Variants in SH2D4A observed in about 807,000 individuals in gnomAD.
SH2D4A encodes the protein SH2 domain containing 4A.
A neutral mutation model predicts 64.7 loss-of-function variants in SH2D4A; 70 were observed. That is an observed-to-expected ratio of 1.08 (90% confidence interval 0.89 to 1.32). The LOEUF (loss-of-function observed/expected upper bound fraction) is 1.32, where lower values mean the gene tolerates loss of function less well. SH2D4A is among the 40% of genes most tolerant of loss of function. SH2D4A has a pLI of 0.00. For missense variants in SH2D4A, 706 were observed against 540.1 expected (o/e 1.31, Z -3.04); for synonymous variants, 268 against 200.7 (o/e 1.34, Z -2.83).
intron 2 of SH2D4A, among the ~76,000 whole-genome samples, chr8:19,322,585 G>A (rs964356493): frequency 2.0e-5 from 3 of 146,916 alleles, no homozygotes; most frequent in African/African-American, 7.5e-5. Flanking sequence ...GTTGTGTATT[G>A]TGCATCACAG....
intron 6 of SH2D4A, among the ~76,000 whole-genome samples, chr8:19,362,071 G>C (rs911745369): frequency 1.3e-5 from 2 of 152,204 alleles, no homozygotes; most frequent in Admixed American, 6.5e-5. Flanking sequence ...AGAGAAATCT[G>C]AACTGCTAGA....
At position 19,334,714 on chromosome 8, in the gene SH2D4A, A is replaced by G. The variant is rs774085365; in HGVS notation, c.370A>G (p.Ser124Gly). 5 of 1,607,808 alleles carry G rather than the reference A, an allele frequency of 3.1e-6. No homozygotes were observed. The highest frequency in any genetic ancestry group is 4.2e-6 in the Non-Finnish European group (5 of 1,178,390). Residue 124 changes from serine to glycine, a missense_variant, in exon 4 of 10, where the codon AGC (serine) becomes GGC (glycine). Ser to Gly is a moderately conservative substitution (Grantham distance 56). Coordinates refer to ENST00000265807, the MANE Select transcript of SH2D4A (RefSeq NM_022071.4). ...RKTHSEEFTN[S>G]LKTKSQYHDL... ...AACTCACTCTGAAGAATTCACCAAT[A>G]GCTTGAAAACAAAATCACAGTACCA...
intron 8 of SH2D4A, among the ~76,000 whole-genome samples, chr8:19,376,604 C>G (rs1252015392): frequency 6.6e-6 from 1 of 152,122 alleles, no homozygotes; most frequent in Non-Finnish European, 1.5e-5. Flanking sequence ...GCCTGGGCAA[C>G]AGAGTGCTAC....
intron 4 of SH2D4A, among the ~76,000 whole-genome samples, chr8:19,337,337 A>T (rs1423984691): frequency 6.6e-6 from 1 of 152,134 alleles, no homozygotes; most frequent in Non-Finnish European, 1.5e-5. Flanking sequence ...TTTTTATTGT[A>T]AGTTGTGTAT....
chr8:19,386,184 G>A (rs887473544), intron 8 of SH2D4A, among the ~76,000 whole-genome samples: 8 of 152,164 alleles, frequency 5.3e-5, no homozygotes, highest in Non-Finnish European at 7.4e-5. Context: ...AGCAAAGCAC[G>A]TTTTGTCCAA....
intron 8 of SH2D4A, among the ~76,000 whole-genome samples, chr8:19,388,207 A>G (rs1364888783): frequency 6.6e-6 from 1 of 152,216 alleles, no homozygotes; most frequent in Non-Finnish European, 1.5e-5. Flanking sequence ...ACCCCAGAAT[A>G]AGAGACAAGA....
intron 2 of SH2D4A, among the ~76,000 whole-genome samples, chr8:19,332,539 A>T (rs1370295884): frequency 6.6e-6 from 1 of 151,944 alleles, no homozygotes; most frequent in Non-Finnish European, 1.5e-5. Context: ...CTCTACTAAA[A>T]ATACAAAAAT....
At chr8:19,353,992 ATT>A (rs56334713) in intron 4 of SH2D4A, among the ~76,000 whole-genome samples, 6,923 of 133,528 alleles carry the variant, frequency 0.052, 467 homozygotes, top group African/African-American at 0.17. Context: ...TTTTCAACTA[ATT>A]TTTTTTTTTT....
intron 7 of SH2D4A, among the ~76,000 whole-genome samples, chr8:19,366,875 T>G (rs1391113992): frequency 6.6e-6 from 1 of 152,230 alleles, no homozygotes; most frequent in African/African-American, 2.4e-5. Context: ...TTGGCTTATT[T>G]CACTTAACAA....
At chr8:19,356,168 C>T (rs1430509399) in intron 4 of SH2D4A, among the ~76,000 whole-genome samples, 1 of 152,126 alleles carries the variant, frequency 6.6e-6, no homozygotes, top group Non-Finnish European at 1.5e-5. Context: ...ATGGCAAATG[C>T]CTGTTGTCAA....
Position 19,319,398 on chromosome 8 carries a change from T to C in SH2D4A, c.-150T>C. ...TTTGGTGCCAGGTCTGAGTAGCCAG[T>C]TTGCTGAATTATTGTCCCAGTCAGC... On this transcript the variant is annotated 5_prime_UTR_variant, in exon 2 of 10. Transcript: ENST00000265807. The C allele has an allele frequency of 7.0e-6, 9 of 1,291,114 alleles. No individual in the cohort carries two copies. The highest frequency in any genetic ancestry group is 8.8e-6 in the Non-Finnish European group (9 of 1,016,998). The allele number at this position is 1,291,114 out of a possible 1,614,324, so 80.0% of individuals were successfully genotyped here. A position where few individuals can be genotyped will look rare whatever the true frequency, so the allele number is the denominator to read the frequency against.
intron 4 of SH2D4A, among the ~76,000 whole-genome samples, chr8:19,347,545 G>A (rs757528427): frequency 9.9e-5 from 15 of 152,264 alleles, no homozygotes; most frequent in Middle Eastern, 6.8e-3. Context: ...GTGTTTCTCC[G>A]CTTATATGTA....
intron 2 of SH2D4A, among the ~76,000 whole-genome samples, chr8:19,328,975 C>A (rs1029519273): frequency 6.6e-6 from 1 of 152,128 alleles, no homozygotes; most frequent in African/African-American, 2.4e-5. Context: ...GTGTGTGGGA[C>A]CCTGTGCCAC....
In SH2D4A at chr8:19,373,672, G is replaced by A. The variant is rs1486529838; in HGVS notation, c.1048+12G>A. ...CCCCTGGTTCCATGGTGAGTGCAGA[G>A]ATTTCCTCAATGGTGTTTCGTCTTA... On this transcript the variant is annotated intron_variant, in intron 8 of 9. Transcript: ENST00000265807. 6.2e-7 allele frequency: 1 copy of A among 1,612,402 alleles called. No homozygotes were observed. Among genetic ancestry groups the A allele is most frequent in the East Asian group, 2.2e-5 (1 of 44,794 alleles).
At chr8:19,369,193 G>A (rs1358616217) in intron 7 of SH2D4A, among the ~76,000 whole-genome samples, 1 of 152,076 alleles carries the variant, frequency 6.6e-6, no homozygotes, top group Middle Eastern at 3.2e-3. Context: ...TTTGAACATG[G>A]TGAAGGATGT....
At chr8:19,327,027 T>C (rs1033601532) in intron 2 of SH2D4A, among the ~76,000 whole-genome samples, 1 of 152,186 alleles carries the variant, frequency 6.6e-6, no homozygotes, top group Non-Finnish European at 1.5e-5. Flanking sequence ...CCCACTTTTA[T>C]CTGATGTTTT....
At chr8:19,346,438 G>C (rs576663295) in intron 4 of SH2D4A, among the ~76,000 whole-genome samples, 1 of 152,228 alleles carries the variant, frequency 6.6e-6, no homozygotes, top group Non-Finnish European at 1.5e-5. Flanking sequence ...AATGCCTGAC[G>C]ATCTGTCACT....
chr8:19,365,200 G>A lies in SH2D4A; in HGVS notation c.917+918G>A, dbSNP rs138065374. On this transcript the variant is annotated intron_variant, in intron 7 of 9. Coordinates refer to ENST00000265807, the MANE Select transcript of SH2D4A (RefSeq NM_022071.4). ...TTCAAGGTTGTCTTTAAACAGGAGTGATGACCTCAGGGGAAACACAAAGGC... is the reference window on the plus strand; with the variant it reads ...TTCAAGGTTGTCTTTAAACAGGAGTAATGACCTCAGGGGAAACACAAAGGC... Among the ~76,000 whole-genome samples, 635 of 152,264 alleles carry A rather than the reference G, an allele frequency of 4.2e-3. 6 individuals carry two copies. The highest frequency in any genetic ancestry group is 0.013 in the African/African-American group (552 of 41,546).
At chr8:19,333,179 A>G in intron 3 of SH2D4A, 65 bp downstream of exon 3, 1 of 1,524,870 alleles carries the variant, frequency 6.6e-7, no homozygotes, top group South Asian at 1.3e-5. Flanking sequence ...CATTGCAAAC[A>G]CACCTCTTGC....
Sources: gnomAD v4.1 joint callset for allele counts (sites outside exome capture counted in the v4.1 genomes callset) on GRCh38, gnomAD v4.1.1 for gene constraint, MANE v1.5 for transcripts, NCBI Gene and HGNC (gene_info 2026-07-23, HGNC 2026-07-21) for gene names.